The following BICRAL variants were observed in gnomAD, a reference collection of about 807,000 sequenced individuals.
BICRAL encodes the protein BRD4-interacting chromatin-remodeling complex-associated protein-like.
BICRAL carries 8 observed loss-of-function variants against 91.8 expected under a neutral mutation model. The observed-to-expected ratio is 0.09, with a 90% CI of 0.05 to 0.16. The LOEUF is 0.16. Ranked by LOEUF, BICRAL falls within the 10% of genes least tolerant of loss-of-function variation. The pLI is 1.00. For missense variants in BICRAL, 1,038 were observed against 1,310.9 expected (o/e 0.79, Z 3.21); for synonymous variants, 445 against 491.1 (o/e 0.91, Z 1.24).
intron 5 of BICRAL, among the ~76,000 whole-genome samples, chr6:42,828,002 A>G (rs1764352431): frequency 6.6e-6 from 1 of 152,350 alleles, no homozygotes; most frequent in South Asian, 2.1e-4. Context: ...TATCAGCATG[A>G]TGGATGCATA....
At chr6:42,783,288 G>C (rs572949979) in intron 1 of BICRAL, among the ~76,000 whole-genome samples, 1 of 152,144 alleles carries the variant, frequency 6.6e-6, no homozygotes, top group Non-Finnish European at 1.5e-5. Context: ...CGGCCCAGCC[G>C]GGCGTCTCCT....
rs1764149338 is a variant in BICRAL at position 42,821,958 on chromosome 6, G to T, written c.-5-60G>T. 3.0e-6 allele frequency: 3 copies of T among 1,005,708 alleles called. No homozygotes were observed. The Admixed American group carries it at 5.5e-5, about 18-fold the overall frequency. 62.3% of individuals were successfully genotyped at this position (1,005,708 alleles called of 1,614,324 possible). Reference sequence around the variant, plus strand: ...GTAAGGCATACTTTTGTATTGCATTGATACTACTGTCTTTAATCTGCTTTA... The same window carrying T: ...GTAAGGCATACTTTTGTATTGCATTTATACTACTGTCTTTAATCTGCTTTA... On this transcript the variant is annotated intron_variant, in intron 2 of 12. Transcript: ENST00000314073.
intron 6 of BICRAL, among the ~76,000 whole-genome samples, chr6:42,832,173 C>G (rs894994988): frequency 6.6e-6 from 1 of 151,054 alleles, no homozygotes; most frequent in Non-Finnish European, 1.5e-5. Flanking sequence ...CATGGTGAAA[C>G]CCTGTCTCTA....
At chr6:42,771,266 C>G (rs956533093) in intron 1 of BICRAL, among the ~76,000 whole-genome samples, 2 of 152,254 alleles carry the variant, frequency 1.3e-5, no homozygotes, top group Non-Finnish European at 2.9e-5. Flanking sequence ...GACCCCTCCC[C>G]CTGCGGGCCG....
intron 2 of BICRAL, among the ~76,000 whole-genome samples, chr6:42,811,909 G>A (rs939831217): frequency 2.0e-5 from 3 of 152,154 alleles, no homozygotes; most frequent in African/African-American, 7.2e-5. Flanking sequence ...TCACTATAGG[G>A]CAAAATGAAT....
intron 1 of BICRAL, among the ~76,000 whole-genome samples, chr6:42,809,548 T>A (rs1763799697): frequency 6.6e-6 from 1 of 150,436 alleles, no homozygotes; most frequent in Admixed American, 6.7e-5. Context: ...GCGATTCAGA[T>A]TCAAGCCTCC....
intron 1 of BICRAL, among the ~76,000 whole-genome samples, chr6:42,774,680 G>A (rs1478334286): frequency 6.6e-6 from 1 of 152,102 alleles, no homozygotes; most frequent in Non-Finnish European, 1.5e-5. Flanking sequence ...GGGTCCCTGG[G>A]AAATGGAACT....
chr6:42,757,473 C>T (rs1021738332), intron 1 of BICRAL, among the ~76,000 whole-genome samples: 2 of 152,134 alleles, frequency 1.3e-5, no homozygotes, highest in African/African-American at 2.4e-5. Flanking sequence ...AGGATGGTCT[C>T]GATCTCCTGA....
chr6:42,765,362 G>C (rs1407096758), intron 1 of BICRAL, among the ~76,000 whole-genome samples: 3 of 152,176 alleles, frequency 2.0e-5, no homozygotes, highest in African/African-American at 7.2e-5. Flanking sequence ...TTCTCTCTGG[G>C]AGAGATCCCA....
intron 6 of BICRAL, among the ~76,000 whole-genome samples, chr6:42,837,315 G>A (rs1413294395): frequency 2.6e-5 from 4 of 151,978 alleles, no homozygotes; most frequent in African/African-American, 4.8e-5. Flanking sequence ...TATAATTACC[G>A]AAGGCTTTTG....
intron 1 of BICRAL, among the ~76,000 whole-genome samples, chr6:42,790,841 G>A (rs891108154): frequency 6.6e-6 from 1 of 152,176 alleles, no homozygotes; most frequent in African/African-American, 2.4e-5. Flanking sequence ...AGTAGAAGAG[G>A]AAAATACAGT....
At chr6:42,757,253 T>A (rs954461107) in intron 1 of BICRAL, among the ~76,000 whole-genome samples, 3 of 136,780 alleles carry the variant, frequency 2.2e-5, no homozygotes, top group African/African-American at 8.9e-5. Flanking sequence ...AGTTTTTTTT[T>A]AACTCTTTTT....
chr6:42,840,292 G>A (rs561778824), intron 6 of BICRAL, among the ~76,000 whole-genome samples: 1 of 152,182 alleles, frequency 6.6e-6, no homozygotes, highest in Admixed American at 6.5e-5. Context: ...ACCCAGGCTG[G>A]AGTGCAGTGG....
rs772831887 is a variant in BICRAL at position 42,830,028 on chromosome 6, C to T, written c.1695C>T (p.Asn565=). ...SAVQSGSSGS[N]FTGDQLTQPN... ...TTCAGTCTGGTTCATCAGGATCAAA[C>T]TTTACAGGAGATCAGCTGACCCAGC... Residue 565 remains asparagine, a synonymous_variant, in exon 6 of 13, where the codon AAC becomes AAT. Coordinates refer to ENST00000314073, the MANE Select transcript of BICRAL (RefSeq NM_001393499.1). 10 of 1,614,080 alleles carry T rather than the reference C, an allele frequency of 6.2e-6. No homozygotes were observed. In the East Asian group the frequency reaches 2.2e-4, roughly 36 times the overall value.
In BICRAL at chr6:42,865,797, TA is replaced by T; in HGVS notation, c.*355del. On this transcript the variant is annotated 3_prime_UTR_variant, in exon 13 of 13. Coordinates refer to ENST00000314073, the MANE Select transcript of BICRAL (RefSeq NM_001393499.1). Reference sequence around the variant, plus strand: ...AGACCACAGTATACTTGGCCCTTGGTAAAATTTTGACAATCATAAGTCATTT... The same window carrying T: ...AGACCACAGTATACTTGGCCCTTGGTAAATTTTGACAATCATAAGTCATTT... The T allele has an allele frequency of 5.5e-6, 1 of 183,324 alleles. No homozygotes were observed. The highest frequency in any genetic ancestry group is 1.1e-5 in the Non-Finnish European group (1 of 88,356). 11.4% of individuals were successfully genotyped at this position (183,324 alleles called of 1,614,324 possible).
intron 1 of BICRAL, among the ~76,000 whole-genome samples, chr6:42,791,732 A>G (rs555954005): frequency 3.3e-5 from 5 of 152,162 alleles, no homozygotes; most frequent in African/African-American, 1.2e-4. Context: ...CCAAAGTGCT[A>G]GGACTATAGG....
intron 1 of BICRAL, among the ~76,000 whole-genome samples, chr6:42,808,356 C>G (rs1763768528): frequency 6.6e-6 from 1 of 152,164 alleles, no homozygotes; most frequent in East Asian, 1.9e-4. Context: ...GTCTCGAACT[C>G]CCGACCTCAG....
In BICRAL at chr6:42,853,489, C is replaced by T. The variant is rs1238890768; in HGVS notation, c.1946-149C>T. 3 of 610,108 alleles carry T rather than the reference C, an allele frequency of 4.9e-6. No individual in the cohort carries two copies. The Admixed American group carries it at 8.5e-5, about 17-fold the overall frequency. The allele number at this position is 610,108 out of a possible 1,614,324, so 37.8% of individuals were successfully genotyped here. ...TTAGAGCTTGTAAGTAAATGCACTACCCTGCCCTCCTTCTTCACAGCAAGC... is the reference window on the plus strand; with the variant it reads ...TTAGAGCTTGTAAGTAAATGCACTATCCTGCCCTCCTTCTTCACAGCAAGC... On this transcript the variant is annotated intron_variant, in intron 7 of 12. Coordinates refer to ENST00000314073, the MANE Select transcript of BICRAL (RefSeq NM_001393499.1).
In BICRAL at chr6:42,829,089, G is replaced by C. The variant is rs940975885; in HGVS notation, c.756G>C (p.Gly252=). 1 of 1,614,142 alleles carries C rather than the reference G, an allele frequency of 6.2e-7. No individual in the cohort carries two copies. The highest frequency in any genetic ancestry group is 8.5e-7 in the Non-Finnish European group (1 of 1,180,020). The change falls in exon 6 of 13, where the codon GGG becomes GGC. Residue 252 remains glycine, a synonymous_variant. Coordinates refer to ENST00000314073, the MANE Select transcript of BICRAL (RefSeq NM_001393499.1). ...GQQAPSNVSG[G]LLVHRQTPNG... ...AAGCCCCATCAAATGTGAGTGGAGGGCTCCTGGTTCATAGACAGACTCCTA... is the reference window on the plus strand; with the variant it reads ...AAGCCCCATCAAATGTGAGTGGAGGCCTCCTGGTTCATAGACAGACTCCTA...
Sources: allele counts gnomAD v4.1 joint callset (sites outside exome capture counted in the v4.1 genomes callset), GRCh38; gene constraint gnomAD v4.1.1; transcripts MANE v1.5; gene names NCBI Gene and HGNC (gene_info 2026-07-23, HGNC 2026-07-21).